The following ACER3 variants were observed in gnomAD, a reference collection of about 807,000 sequenced individuals.
The protein encoded by ACER3 is alkaline ceramidase 3.
A neutral mutation model predicts 48.9 loss-of-function variants in ACER3; 16 were observed. The observed-to-expected ratio is 0.33, with a 90% CI of 0.22 to 0.50. The LOEUF is 0.50. Ranked by LOEUF, ACER3 falls within the 20% of genes least tolerant of loss-of-function variation. ACER3 has a pLI of 0.98. For missense variants in ACER3, 227 were observed against 326.0 expected (o/e 0.70, Z 2.34); for synonymous variants, 109 against 107.8 (o/e 1.01, Z -0.07).
At chr11:76,916,396 G>T (rs1946530417) in intron 1 of ACER3, among the ~76,000 whole-genome samples, 1 of 152,146 alleles carries the variant, frequency 6.6e-6, no homozygotes, top group Non-Finnish European at 1.5e-5. Context: ...ATTTGCTATT[G>T]AATGAATATA....
At chr11:76,883,640 T>G (rs1406463851) in intron 1 of ACER3, among the ~76,000 whole-genome samples, 1 of 152,108 alleles carries the variant, frequency 6.6e-6, no homozygotes, top group Non-Finnish European at 1.5e-5. Context: ...AGACGGAGTT[T>G]CGCCATGTTG....
chr11:76,934,262 C>T (rs1195372267), intron 2 of ACER3, among the ~76,000 whole-genome samples: 1 of 151,658 alleles, frequency 6.6e-6, no homozygotes, highest in Non-Finnish European at 1.5e-5. Flanking sequence ...CAGGCAGAGA[C>T]ACTCCTCACT....
chr11:76,967,186 G>A (rs1254553931), intron 3 of ACER3, among the ~76,000 whole-genome samples: 8 of 152,082 alleles, frequency 5.3e-5, no homozygotes, highest in Non-Finnish European at 8.8e-5. Flanking sequence ...ACACCTCTAT[G>A]CCAATAAACT....
chr11:76,881,601 A>G (rs779455530), intron 1 of ACER3, among the ~76,000 whole-genome samples: 2 of 152,196 alleles, frequency 1.3e-5, no homozygotes, highest in Non-Finnish European at 2.9e-5. Context: ...AGGCAACTAT[A>G]TAGGCTCATA....
At chr11:76,893,378 T>C (rs1221615951) in intron 1 of ACER3, among the ~76,000 whole-genome samples, 2 of 152,044 alleles carry the variant, frequency 1.3e-5, no homozygotes, top group Non-Finnish European at 2.9e-5. Flanking sequence ...TCTAAAAAAA[T>C]AAATAAGTAA....
intron 3 of ACER3, among the ~76,000 whole-genome samples, chr11:76,970,879 C>T (rs1306813063): frequency 1.3e-5 from 2 of 152,118 alleles, no homozygotes; most frequent in African/African-American, 4.8e-5. Context: ...GCAACCACTC[C>T]CTATTACTCC....
chr11:76,953,836 C>A (rs1947757688), intron 2 of ACER3, among the ~76,000 whole-genome samples: 1 of 151,996 alleles, frequency 6.6e-6, no homozygotes, highest in Non-Finnish European at 1.5e-5. Flanking sequence ...TTTTAAAATG[C>A]AAAACTGATT....
At chr11:76,914,134 C>T (rs1946460704) in intron 1 of ACER3, among the ~76,000 whole-genome samples, 1 of 152,184 alleles carries the variant, frequency 6.6e-6, no homozygotes. Flanking sequence ...AGGACATAGG[C>T]ATGGGCAAGG....
At chr11:76,887,811 C>CT (rs67954212) in intron 1 of ACER3, among the ~76,000 whole-genome samples, 10,398 of 87,026 alleles carry the variant, frequency 0.12, 429 homozygotes, top group East Asian at 0.29. Context: ...CTATAGGTAA[C>CT]TTTTTTTTTT....
intron 7 of ACER3, among the ~76,000 whole-genome samples, chr11:77,006,212 C>G (rs1949146263): frequency 6.6e-6 from 1 of 151,612 alleles, no homozygotes; most frequent in Non-Finnish European, 1.5e-5. Context: ...GGGTCTCAAA[C>G]TCCTGACCTC....
intron 1 of ACER3, among the ~76,000 whole-genome samples, chr11:76,891,571 G>A (rs1245334220): frequency 1.3e-5 from 2 of 152,178 alleles, no homozygotes; most frequent in Non-Finnish European, 2.9e-5. Flanking sequence ...AGAGGGGGTT[G>A]GAGGAACCCC....
In ACER3 at chr11:77,024,314, A is replaced by G. The variant is rs1949520256; in HGVS notation, c.*3987A>G. 6.8e-6 allele frequency: 1 copy of G among 146,716 alleles called. No homozygotes were observed. The highest frequency in any genetic ancestry group is 1.5e-5 in the Non-Finnish European group (1 of 66,648). The allele number at this position is 146,716 out of a possible 1,614,324, so 9.1% of individuals were successfully genotyped here. On this transcript the variant is annotated 3_prime_UTR_variant, in exon 11 of 11. Transcript: ENST00000532485. ...AAAAAAAAAAAAAGAATTAGGAAAT[A>G]CTTGTTAAAATATCTAACTACGTAA... is the stretch of plus-strand genomic sequence containing the variant.
rs555600723 is a variant in ACER3 at position 76,964,312 on chromosome 11, C to T, written c.267+5281C>T. On this transcript the variant is annotated intron_variant, in intron 3 of 10. Coordinates refer to ENST00000532485, the MANE Select transcript of ACER3 (RefSeq NM_018367.7). The stretch of plus-strand genomic sequence containing the variant: ...GGCTTGAGTAGGTAAACAAAGCGGC[C>T]GGGAAGCTCGAACTGGATGAAGCCC... 1.5e-3 allele frequency among the ~76,000 whole-genome samples: 230 copies of T among 151,458 alleles called. 17 individuals are homozygous for T. The highest frequency in any genetic ancestry group is 5.1e-3 in the African/African-American group (209 of 40,778).
At chr11:76,910,003 A>G (rs575437821) in intron 1 of ACER3, among the ~76,000 whole-genome samples, 37 of 152,208 alleles carry the variant, frequency 2.4e-4, no homozygotes, top group African/African-American at 8.9e-4. Context: ...AATCATTCTC[A>G]GCAAACTAGC....
At chr11:76,883,253 A>C (rs1590877509) in intron 1 of ACER3, among the ~76,000 whole-genome samples, 2 of 152,192 alleles carry the variant, frequency 1.3e-5, no homozygotes, top group East Asian at 3.9e-4. Context: ...ATTAGCTATT[A>C]GGGCCTTATT....
intron 9 of ACER3, among the ~76,000 whole-genome samples, chr11:77,018,869 A>T (rs1360711206): frequency 6.6e-6 from 1 of 152,250 alleles, no homozygotes; most frequent in Admixed American, 6.5e-5. Context: ...GAAAAAAGCC[A>T]TCTCCATAAC....
intron 1 of ACER3, among the ~76,000 whole-genome samples, chr11:76,868,820 C>A (rs1478726087): frequency 6.6e-6 from 1 of 152,176 alleles, no homozygotes; most frequent in Non-Finnish European, 1.5e-5. Flanking sequence ...ATAAAAGGTT[C>A]AAGAGGACAG....
intron 1 of ACER3, among the ~76,000 whole-genome samples, chr11:76,911,025 A>G (rs1022494338): frequency 6.6e-6 from 1 of 152,190 alleles, no homozygotes; most frequent in Admixed American, 6.5e-5. Context: ...TACTCTCTAC[A>G]GTCTCTGCTA....
intron 4 of ACER3, among the ~76,000 whole-genome samples, chr11:76,983,146 C>T (rs935577409): frequency 5.9e-5 from 9 of 152,080 alleles, no homozygotes; most frequent in African/African-American, 1.4e-4. Context: ...GTAATTTCTT[C>T]GACTCTATAG....
Sources: allele counts gnomAD v4.1 joint callset (sites outside exome capture counted in the v4.1 genomes callset), GRCh38; gene constraint gnomAD v4.1.1; transcripts MANE v1.5; gene names NCBI Gene and HGNC (gene_info 2026-07-23, HGNC 2026-07-21).